The following RUFY2 variants were observed in gnomAD, a reference collection of about 807,000 sequenced individuals.
RUFY2 encodes RUN and FYVE domain-containing protein 2.
In RUFY2, 49 loss-of-function variants were observed where a neutral mutation model predicts 94.4. The ratio of observed to expected loss-of-function variants is 0.52; its 90% CI spans 0.41 to 0.66. The LOEUF (loss-of-function observed/expected upper bound fraction) is 0.66. RUFY2 is among the 30% of genes least tolerant of loss of function. The probability of loss-of-function intolerance (pLI) is 0.00; values close to 1 mark genes in which losing one functional copy is unlikely to be tolerated. For missense variants in RUFY2, 541 were observed against 692.8 expected, an observed-to-expected ratio of 0.78 and a Z score of 2.46; for synonymous variants, 255 against 235.7, an observed-to-expected ratio of 1.08 and a Z score of -0.75.
chr10:68,392,541 T>C (rs1305418457), intron 7 of RUFY2, among the ~76,000 whole-genome samples: 3 of 152,120 alleles, frequency 2.0e-5, no homozygotes, highest in Non-Finnish European at 4.4e-5. Context: ...ATCAAACTGA[T>C]ACAAACTTTT....
At chr10:68,402,002 T>C (rs1168818176) in intron 2 of RUFY2, among the ~76,000 whole-genome samples, 1 of 152,154 alleles carries the variant, frequency 6.6e-6, no homozygotes, top group African/African-American at 2.4e-5. Flanking sequence ...AAGTGAAAAA[T>C]GACTGCACTC....
intron 15 of RUFY2, among the ~76,000 whole-genome samples, chr10:68,358,527 G>A (rs1442530717): frequency 1.3e-5 from 2 of 152,126 alleles, no homozygotes; most frequent in Non-Finnish European, 2.9e-5. Flanking sequence ...CTGACTCTTG[G>A]GAATAGTGGC....
rs1408718623 is a variant in RUFY2, at chr10:68,351,928, G to A, written c.1599+3425C>T. 2.0e-5 allele frequency among the ~76,000 whole-genome samples: 3 copies of A among 151,438 alleles called. No individual in the cohort carries two copies. The South Asian group carries it at 6.3e-4, about 32-fold the overall frequency. ...AAAAATTAGCTGGGCATGGTGGTGG[G>A]TGCCTGTAATCCCAGCTACTTGGGA... On this transcript the variant is annotated intron_variant, in intron 16 of 17. Transcript: ENST00000602465.
At chr10:68,364,207 C>T in intron 13 of RUFY2, 94 bp from the exon 14 acceptor site, 3 of 1,246,160 alleles carry the variant, frequency 2.4e-6, no homozygotes, top group East Asian at 2.5e-5. Context: ...TGGTTTATTA[C>T]TTTGGCCTTT....
intron 13 of RUFY2, among the ~76,000 whole-genome samples, chr10:68,366,739 A>AATATATATATATATATATATATATATAT (rs35377318): frequency 8.5e-6 from 1 of 117,888 alleles, no homozygotes; most frequent in Admixed American, 1.0e-4. Flanking sequence ...GAGACTCTAA[A>AATATATATATATATATATATATATATAT]ATATATATAT....
Position 68,384,132 on chromosome 10 carries a change from G to A in RUFY2, c.741C>T (p.Asn247=), listed in dbSNP as rs376182678. Residue 247 remains asparagine (N), a synonymous_variant, in exon 9 of 18, where the codon AAC becomes AAT. Transcript: ENST00000602465. ...GATTTTCTTCCTGGAGTTTAATGATGTTATTCTTTGCTATTGCTAACTAAA... is the reference window on the plus strand; with the variant it reads ...GATTTTCTTCCTGGAGTTTAATGATATTATTCTTTGCTATTGCTAACTAAA... ...LIEELAIAKN[N]IIKLQEENHQ... 1.9e-6 allele frequency: 3 copies of A among 1,609,594 alleles called. No individual in the cohort carries two copies. The highest frequency in any genetic ancestry group is 2.5e-6 in the Non-Finnish European group (3 of 1,179,542).
chr10:68,385,429 T>C (rs1274868194), intron 8 of RUFY2, among the ~76,000 whole-genome samples: 2 of 151,598 alleles, frequency 1.3e-5, no homozygotes, highest in Admixed American at 6.6e-5. Context: ...AAAAGAGAGC[T>C]GAGATAAATT....
At position 68,344,128 on chromosome 10, in the gene RUFY2, CTG is replaced by C. The variant is rs1490378341; in HGVS notation, c.*1638_*1639del. The stretch of plus-strand genomic sequence containing the variant: ...TATTCAAGAAAGACCATCTAGAAAT[CTG>C]TGTCACATCTGACACCTCAAAAGCT... On this transcript the variant is annotated 3_prime_UTR_variant, in exon 18 of 18. Transcript: ENST00000602465. The C allele has an allele frequency of 6.6e-6, 1 of 152,184 alleles. No individual in the cohort carries two copies. The highest frequency in any genetic ancestry group is 2.4e-5 in the African/African-American group (1 of 41,442). The allele number at this position is 152,184 out of a possible 1,614,324, so 9.4% of individuals were successfully genotyped here.
chr10:68,343,808 T>TTAAAAAAAAAAA lies in RUFY2; in HGVS notation c.*1959_*1960insTTTTTTTTTTTA, dbSNP rs1554869876. The TTAAAAAAAAAAA allele has an allele frequency of 9.5e-5, 11 of 115,660 alleles. 1 individual carries two copies. Among genetic ancestry groups the TTAAAAAAAAAAA allele is most frequent in the South Asian group, 5.2e-4 (2 of 3,846 alleles). 7.2% of individuals were successfully genotyped at this position (115,660 alleles called of 1,614,324 possible). A position where few individuals can be genotyped will look rare whatever the true frequency, so the allele number is the denominator to read the frequency against. ...GCAAGTTGCTGTCATAAAAGCTGCC[T>TTAAAAAAAAAAA]AAAAAAAAAAAAAAAAAAAAAAAAA... On this transcript the variant is annotated 3_prime_UTR_variant, in exon 18 of 18. Coordinates refer to ENST00000602465, the MANE Select transcript of RUFY2 (RefSeq NM_001330103.2).
intron 1 of RUFY2, 71 bp downstream of exon 1, chr10:68,407,115 C>T (rs1340713533): frequency 1.3e-6 from 2 of 1,516,048 alleles, no homozygotes; most frequent in African/African-American, 1.4e-5. Flanking sequence ...GCTCCCAGTC[C>T]ACCCCGCCTG....
At chr10:68,353,951 A>G (rs945814180) in intron 16 of RUFY2, among the ~76,000 whole-genome samples, 2 of 152,142 alleles carry the variant, frequency 1.3e-5, no homozygotes, top group East Asian at 1.9e-4. Context: ...ACGTTAATAT[A>G]TAAGTCTAAA....
chr10:68,351,218 A>C lies in RUFY2; in HGVS notation c.1599+4135T>G, dbSNP rs1470588342. ...ATGATCTCTGCTCATTGCAACCTCC[A>C]CCTTCCGGGCTCAAGCAATTCTCCT... is the stretch of plus-strand genomic sequence containing the variant. On this transcript the variant is annotated intron_variant, in intron 16 of 17. Coordinates refer to ENST00000602465, the MANE Select transcript of RUFY2 (RefSeq NM_001330103.2). Among the ~76,000 whole-genome samples the C allele has an allele frequency of 4.2e-5, 5 of 119,782 alleles. No homozygotes were observed. In the Admixed American group the frequency reaches 4.7e-4, roughly 11 times the overall value. 78.6% of individuals were successfully genotyped at this position (119,782 alleles called of 152,430 possible). A position where few individuals can be genotyped will look rare whatever the true frequency, so the allele number is the denominator to read the frequency against.
chr10:68,391,941 G>A (rs111670072), intron 7 of RUFY2, among the ~76,000 whole-genome samples: 5,972 of 151,816 alleles, frequency 0.039, 190 homozygotes, highest in Non-Finnish European at 0.063. Flanking sequence ...ACTCCAGCCT[G>A]GGCAACAGAG....
In RUFY2 at chr10:68,404,845, C is replaced by A; in HGVS notation, c.5-1G>T. 6.5e-7 allele frequency: 1 copy of A among 1,542,796 alleles called. No homozygotes were observed. Among genetic ancestry groups the A allele is most frequent in the Non-Finnish European group, 8.7e-7 (1 of 1,144,176 alleles). ...TCTACAGCTGTGGGGTCTTTTGTAGCTGAAAACACAAGAAAGGAATCCAAC... is the reference window on the plus strand; with the variant it reads ...TCTACAGCTGTGGGGTCTTTTGTAGATGAAAACACAAGAAAGGAATCCAAC... On this transcript the variant is annotated splice_acceptor_variant, in intron 1 of 17. Coordinates refer to ENST00000602465, the MANE Select transcript of RUFY2 (RefSeq NM_001330103.2). LOFTEE classifies it high-confidence loss of function.
chr10:68,391,455 C>G (rs2049977642), intron 7 of RUFY2, among the ~76,000 whole-genome samples: 1 of 151,606 alleles, frequency 6.6e-6, no homozygotes, highest in African/African-American at 2.4e-5. Context: ...TGAAGACCAG[C>G]CTGAGCAACA....
chr10:68,360,727 G>A (rs931048387), intron 15 of RUFY2, among the ~76,000 whole-genome samples: 72 of 151,182 alleles, frequency 4.8e-4, no homozygotes, highest in South Asian at 2.1e-4. Context: ...CAGCCTGGGC[G>A]ACAGAGCGAG....
downstream of RUFY2, chr10:68,342,986 T>C (rs797004829): frequency 3.9e-5 from 6 of 152,320 alleles, no homozygotes; most frequent in African/African-American, 1.4e-4. Context: ...GGGTTTTGTA[T>C]CTGATCCCTG....
chr10:68,373,688 C>T (rs1349983722), intron 13 of RUFY2, among the ~76,000 whole-genome samples: 1 of 152,168 alleles, frequency 6.6e-6, no homozygotes, highest in Non-Finnish European at 1.5e-5. Context: ...AGGAAGATCT[C>T]TTGAGCCTAG....
chr10:68,356,490 C>T (rs770160482), intron 15 of RUFY2, among the ~76,000 whole-genome samples: 1 of 151,902 alleles, frequency 6.6e-6, no homozygotes, highest in Non-Finnish European at 1.5e-5. Flanking sequence ...TGGGTGACAG[C>T]GAGATGCCGT....
Sources: gnomAD v4.1 joint callset for allele counts (sites outside exome capture counted in the v4.1 genomes callset) on GRCh38, gnomAD v4.1.1 for gene constraint, MANE v1.5 for transcripts, NCBI Gene and HGNC (gene_info 2026-07-23, HGNC 2026-07-21) for gene names.